The following DCLK1 variants were observed in gnomAD, a reference collection of about 807,000 sequenced individuals.
DCLK1 encodes doublecortin like kinase 1, also known as serine/threonine-protein kinase DCLK1.
In DCLK1, 16 loss-of-function variants were observed where a neutral mutation model predicts 86.2. The observed-to-expected ratio is 0.19, with a 90% confidence interval of 0.13 to 0.28. The LOEUF is 0.28. DCLK1 is among the 10% of genes least tolerant of loss of function. The pLI is 1.00. For missense variants in DCLK1, 590 were observed against 940.2 expected (o/e 0.63, Z 4.87); for synonymous variants, 369 against 370.5 (o/e 1.00, Z 0.05).
intron 8 of DCLK1, among the ~76,000 whole-genome samples, chr13:35,831,392 T>G (rs1018695257): frequency 6.6e-5 from 10 of 152,312 alleles, no homozygotes; most frequent in African/African-American, 1.7e-4. Context: ...GGAGACTAAA[T>G]GTGTGTCATA....
At chr13:36,123,386 C>T (rs150641150) in intron 2 of DCLK1, among the ~76,000 whole-genome samples, 2 of 152,134 alleles carry the variant, frequency 1.3e-5, no homozygotes, top group African/African-American at 4.8e-5. Context: ...ATAAATGCAG[C>T]CAACATGGTG....
At chr13:35,827,426 G>A (rs1390689567) in intron 10 of DCLK1, among the ~76,000 whole-genome samples, 1 of 152,152 alleles carries the variant, frequency 6.6e-6, no homozygotes, top group African/African-American at 2.4e-5. Flanking sequence ...GAGACATAAA[G>A]AGGTAGACCC....
intron 3 of DCLK1, among the ~76,000 whole-genome samples, chr13:35,959,238 A>G (rs909513973): frequency 1.3e-5 from 2 of 152,186 alleles, no homozygotes; most frequent in African/African-American, 2.4e-5. Flanking sequence ...GAGTTGAGTG[A>G]GTAACATGGG....
chr13:35,838,321 A>C (rs1388857600), intron 7 of DCLK1, among the ~76,000 whole-genome samples: 1 of 152,172 alleles, frequency 6.6e-6, no homozygotes, highest in Non-Finnish European at 1.5e-5. Context: ...CGGAAAAAAA[A>C]TTAAATCATA....
chr13:35,870,471 T>C (rs1266826808), intron 5 of DCLK1, among the ~76,000 whole-genome samples: 2 of 152,194 alleles, frequency 1.3e-5, no homozygotes, highest in African/African-American at 4.8e-5. Flanking sequence ...TTATTCTTAT[T>C]TATAAGAGCT....
At chr13:36,068,696 A>T (rs1883857064) in intron 3 of DCLK1, among the ~76,000 whole-genome samples, 2 of 152,272 alleles carry the variant, frequency 1.3e-5, no homozygotes, top group Admixed American at 1.3e-4. Context: ...TAAGACACAC[A>T]ACTCAAATTA....
At chr13:36,038,769 G>C (rs1474356096) in intron 3 of DCLK1, among the ~76,000 whole-genome samples, 1 of 152,170 alleles carries the variant, frequency 6.6e-6, no homozygotes, top group Non-Finnish European at 1.5e-5. Flanking sequence ...ACAACAATTA[G>C]TGTTCATGCG....
At chr13:35,844,453 C>T (rs972546900) in intron 6 of DCLK1, among the ~76,000 whole-genome samples, 4 of 152,200 alleles carry the variant, frequency 2.6e-5, no homozygotes, top group African/African-American at 9.6e-5. Context: ...TCACTATACT[C>T]ATGCAAGCCA....
chr13:35,878,674 G>A (rs1012242208), intron 4 of DCLK1, among the ~76,000 whole-genome samples: 3 of 152,096 alleles, frequency 2.0e-5, no homozygotes, highest in South Asian at 2.1e-4. Context: ...TGGAATAAAT[G>A]TTTGAGGTGA....
At chr13:35,847,714 T>TTATGTAGGG in intron 6 of DCLK1, 2 of 984,590 alleles carry the variant, frequency 2.0e-6, no homozygotes, top group South Asian at 9.4e-5. Context: ...CCCCGGCTGG[T>TTATGTAGGG]TATGTAGGGT....
intron 6 of DCLK1, chr13:35,847,623 AAAAG>A (rs6145000): frequency 0.039 from 25,130 of 650,142 alleles, 2,554 homozygotes; most frequent in East Asian, 0.14. Flanking sequence ...TTAAGCAAAA[AAAAG>A]AAAGAAAGAA....
intron 3 of DCLK1, among the ~76,000 whole-genome samples, chr13:36,078,188 G>A (rs1318011124): frequency 6.6e-6 from 1 of 152,192 alleles, no homozygotes; most frequent in Non-Finnish European, 1.5e-5. Flanking sequence ...AAACCAAGAA[G>A]AGGGTCCTGA....
chr13:35,830,314 C>T (rs1868850346), intron 8 of DCLK1, among the ~76,000 whole-genome samples: 1 of 152,066 alleles, frequency 6.6e-6, no homozygotes, highest in Non-Finnish European at 1.5e-5. Context: ...TTGCTTGAGC[C>T]CAGGAGGTAA....
chr13:35,994,136 C>G (rs1880372982), intron 3 of DCLK1, among the ~76,000 whole-genome samples: 1 of 151,320 alleles, frequency 6.6e-6, no homozygotes, highest in Admixed American at 6.6e-5. Context: ...TAACATTTAG[C>G]AGGAGTAGGT....
chr13:35,822,283 A>G (rs1370870940), intron 11 of DCLK1, among the ~76,000 whole-genome samples: 1 of 152,068 alleles, frequency 6.6e-6, no homozygotes, highest in Non-Finnish European at 1.5e-5. Flanking sequence ...CCTCCTGAGT[A>G]GCTGGGACTA....
At chr13:35,832,012 G>T (rs1183505990) in intron 8 of DCLK1, among the ~76,000 whole-genome samples, 1 of 152,120 alleles carries the variant, frequency 6.6e-6, no homozygotes, top group Admixed American at 6.5e-5. Flanking sequence ...AAAGAAATGG[G>T]CCAGGCATGG....
intron 3 of DCLK1, among the ~76,000 whole-genome samples, chr13:36,103,857 T>C (rs1378712265): frequency 6.6e-6 from 1 of 152,220 alleles, no homozygotes; most frequent in African/African-American, 2.4e-5. Context: ...TTTATATCCA[T>C]GGGACATATT....
At chr13:36,011,822 T>C (rs1253464586) in intron 3 of DCLK1, among the ~76,000 whole-genome samples, 1 of 149,464 alleles carries the variant, frequency 6.7e-6, no homozygotes, top group Non-Finnish European at 1.5e-5. Flanking sequence ...ATGTTGACAG[T>C]GGGGTGTTAA....
chr13:35,977,060 T>C (rs984507122), intron 3 of DCLK1, among the ~76,000 whole-genome samples: 7 of 152,218 alleles, frequency 4.6e-5, no homozygotes, highest in Admixed American at 3.9e-4. Flanking sequence ...TTTGTGAAAC[T>C]TGCATCCACT....
Sources: allele counts gnomAD v4.1 joint callset (sites outside exome capture counted in the v4.1 genomes callset), GRCh38; gene constraint gnomAD v4.1.1; transcripts MANE v1.5; gene names NCBI Gene and HGNC (gene_info 2026-07-23, HGNC 2026-07-21).